Variants in NAV1 observed in about 807,000 individuals in gnomAD.
The protein encoded by NAV1 is neuron navigator 1.
Under a neutral mutation model 175.2 loss-of-function variants are expected in NAV1, and 18 were observed. That is an observed-to-expected ratio of 0.10 (90% CI 0.07 to 0.15). The LOEUF (loss-of-function observed/expected upper bound fraction) is 0.15. Ranked by LOEUF, NAV1 falls within the 10% of genes least tolerant of loss-of-function variation. NAV1 has a pLI of 1.00. For missense variants in NAV1, 1,731 were observed against 2,436.6 expected (o/e 0.71, Z 6.10); for synonymous variants, 897 against 978.7 (o/e 0.92, Z 1.56).
chr1:201,550,579 G>A (rs1044422773), intron 1 of NAV1, among the ~76,000 whole-genome samples: 3 of 152,212 alleles, frequency 2.0e-5, no homozygotes, highest in Non-Finnish European at 4.4e-5. Flanking sequence ...TACTGGATCA[G>A]AAGAAAAATT....
At chr1:201,603,194 A>C (rs1450913832) in intron 2 of NAV1, among the ~76,000 whole-genome samples, 2 of 152,216 alleles carry the variant, frequency 1.3e-5, no homozygotes. Context: ...GACATCAAAA[A>C]TAATTCTCTG....
chr1:201,542,365 G>A (rs1665538704), intron 1 of NAV1, among the ~76,000 whole-genome samples: 1 of 152,216 alleles, frequency 6.6e-6, no homozygotes, highest in African/African-American at 2.4e-5. Flanking sequence ...GCTAAGAAAT[G>A]TGGCAATACT....
At chr1:201,658,064 C>T (rs1485476730) in intron 1 of NAV1, among the ~76,000 whole-genome samples, 1 of 152,108 alleles carries the variant, frequency 6.6e-6, no homozygotes, top group Non-Finnish European at 1.5e-5. Flanking sequence ...GCCAGTAAAG[C>T]AAGCGAGCAA....
chr1:201,677,224 C>T (rs1428940210), intron 1 of NAV1, among the ~76,000 whole-genome samples: 3 of 136,138 alleles, frequency 2.2e-5, no homozygotes, highest in Non-Finnish European at 3.1e-5. Flanking sequence ...GCACTCCAGC[C>T]TGGGCGACAG....
rs1289609953 is a variant in NAV1, at chr1:201,804,353, C to A, written c.3640-136C>A. The stretch of plus-strand genomic sequence containing the variant: ...AGGTGGACACGTCCTGCTCCTCTGT[C>A]CCCTGTTCAGTAAGACACACCCCCA... On this transcript the variant is annotated intron_variant, in intron 16 of 29. Coordinates refer to ENST00000367296, the Ensembl canonical transcript of NAV1. 3.6e-6 allele frequency: 3 copies of A among 836,332 alleles called. No individual in the cohort carries two copies. In the African/African-American group the frequency reaches 5.2e-5, roughly 14 times the overall value. The allele number at this position is 836,332 out of a possible 1,614,324, so 51.8% of individuals were successfully genotyped here. A position where few individuals can be genotyped will look rare whatever the true frequency, so the allele number is the denominator to read the frequency against.
At position 201,610,847 on chromosome 1, in the gene NAV1, C is replaced by A. The variant is rs549573319; in HGVS notation, c.-32-12006C>A. On this transcript the variant is annotated intron_variant, in intron 2 of 33. Transcript: ENST00000685211. ...TACCTGAAAGTAACACAGCCAGCCCCATCTTTTGTCTGTAAGAACACATTG... is the reference window on the plus strand; with the variant it reads ...TACCTGAAAGTAACACAGCCAGCCCAATCTTTTGTCTGTAAGAACACATTG... Among the ~76,000 whole-genome samples the A allele has an allele frequency of 9.2e-5, 14 of 152,294 alleles. No individual in the cohort carries two copies. The East Asian group carries it at 2.1e-3, about 23-fold the overall frequency.
chr1:201,734,251 T>A (rs77930428), intron 3 of NAV1, among the ~76,000 whole-genome samples: 21,783 of 151,522 alleles, frequency 0.14, 1,961 homozygotes, highest in East Asian at 0.36. Context: ...GTACAAAAAA[T>A]TTTAAAATTA....
chr1:201,590,954 T>C (rs771666928), intron 2 of NAV1, among the ~76,000 whole-genome samples: 4 of 152,178 alleles, frequency 2.6e-5, no homozygotes, highest in Non-Finnish European at 4.4e-5. Context: ...TCCTTGCCTC[T>C]TCTCTCATTT....
In NAV1 at chr1:201,823,635, G is replaced by A. The variant is rs1056137892; in HGVS notation, c.*3703G>A. On this transcript the variant is annotated 3_prime_UTR_variant, in exon 30 of 30. Coordinates refer to ENST00000367296, the Ensembl canonical transcript of NAV1. The stretch of plus-strand genomic sequence containing the variant: ...CCCTACAATGAAATGTTCATTGGTT[G>A]GTATACTGTTTTAGTCTTGAATTGC... The A allele has an allele frequency of 1.3e-5, 2 of 152,072 alleles. 1 individual carries two copies. The highest frequency in any genetic ancestry group is 2.9e-5 in the Non-Finnish European group (2 of 68,014). 9.4% of individuals were successfully genotyped at this position (152,072 alleles called of 1,614,324 possible). A position where few individuals can be genotyped will look rare whatever the true frequency, so the allele number is the denominator to read the frequency against.
At chr1:201,745,929 C>T (rs1322521940) in intron 3 of NAV1, among the ~76,000 whole-genome samples, 3 of 152,142 alleles carry the variant, frequency 2.0e-5, no homozygotes, top group Non-Finnish European at 2.9e-5. Context: ...GCCTCCCAGC[C>T]TCAAGCAATC....
intron 15 of NAV1, chr1:201,797,386 A>G (rs1018191093): frequency 3.3e-5 from 5 of 152,132 alleles, no homozygotes; most frequent in Non-Finnish European, 7.4e-5. Flanking sequence ...CTATATGTCT[A>G]TCCTTGGCCA....
rs1676406899 is a variant in NAV1 at position 201,782,649 on chromosome 1, T to C, written c.2137T>C (p.Ser713Pro). The C allele has an allele frequency of 1.2e-6, 2 of 1,614,008 alleles. No homozygotes were observed. Among genetic ancestry groups the C allele is most frequent in the Non-Finnish European group, 1.7e-6 (2 of 1,180,002 alleles). ...CACCAAGCAGGGAGGCCTTACGCCTTCCAGACTGAAGGAGCCTACCAAGGT... is the reference window on the plus strand; with the variant it reads ...CACCAAGCAGGGAGGCCTTACGCCTCCCAGACTGAAGGAGCCTACCAAGGT... Residue 713 changes from serine (S) to proline (P), a missense_variant, in exon 6 of 30, where the codon TCC becomes CCC. Physicochemically the swap from Ser to Pro is moderately conservative, Grantham distance 74 (BLOSUM62 -1). Transcript: ENST00000367296. This position sits in a 1 kb window ranked among gnomAD's most constrained non-coding sequence, Gnocchi z 5.4.
At chr1:201,803,565 T>A (rs1265817402) in intron 15 of NAV1, 28 bp from the exon 20 acceptor site, 1 of 1,609,056 alleles carries the variant, frequency 6.2e-7, no homozygotes, top group South Asian at 1.1e-5. Context: ...ATCTGTTCTA[T>A]GTTTTTCCCA....
At chr1:201,572,688 C>G (rs1234002717) in intron 1 of NAV1, among the ~76,000 whole-genome samples, 1 of 152,056 alleles carries the variant, frequency 6.6e-6, no homozygotes, top group Admixed American at 6.5e-5. Context: ...TTCTTTTAGC[C>G]TTTATCACCA....
chr1:201,566,842 C>T (rs762184221), intron 1 of NAV1, among the ~76,000 whole-genome samples: 6 of 151,940 alleles, frequency 3.9e-5, no homozygotes, highest in African/African-American at 9.7e-5. Flanking sequence ...AGATCATACT[C>T]GGCCTACCAT....
intron 3 of NAV1, among the ~76,000 whole-genome samples, chr1:201,765,844 C>T (rs930662003): frequency 3.9e-5 from 6 of 152,142 alleles, no homozygotes; most frequent in Admixed American, 1.3e-4. Flanking sequence ...TTTTTAATAA[C>T]GCCATGTAAC....
chr1:201,661,502 A>G (rs1174032469), intron 1 of NAV1, among the ~76,000 whole-genome samples: 1 of 152,218 alleles, frequency 6.6e-6, no homozygotes, highest in African/African-American at 2.4e-5. Context: ...ATGGTCTGGA[A>G]GAGTGGGGGC....
At position 201,682,722 on chromosome 1, in the gene NAV1, A is replaced by G. The variant is rs184957975; in HGVS notation, c.758-30095A>G. Among the ~76,000 whole-genome samples, 70 of 152,306 alleles carry G rather than the reference A, an allele frequency of 4.6e-4. No homozygotes were observed. The East Asian group carries it at 0.01, about 22-fold the overall frequency. ...TTTCATTACATGCAAGGTTGGAAAAAAAAAAAAGTAATGTGTAAGTGGACC... is the reference window on the plus strand; with the variant it reads ...TTTCATTACATGCAAGGTTGGAAAAGAAAAAAAGTAATGTGTAAGTGGACC... On this transcript the variant is annotated intron_variant, in intron 1 of 29. Coordinates refer to ENST00000367296, the Ensembl canonical transcript of NAV1.
chr1:201,660,482 T>G (rs1669566985), intron 1 of NAV1, among the ~76,000 whole-genome samples: 2 of 152,186 alleles, frequency 1.3e-5, no homozygotes, highest in African/African-American at 2.4e-5. Flanking sequence ...CAGCCCAGCC[T>G]GTAGCTTTGG....
Sources: allele counts gnomAD v4.1 joint callset (sites outside exome capture counted in the v4.1 genomes callset), GRCh38; gene constraint gnomAD v4.1.1; non-coding constraint Gnocchi (gnomAD v3.1); transcripts MANE v1.5; gene names NCBI Gene and HGNC (gene_info 2026-07-23, HGNC 2026-07-21).